Variants in PARP4 observed in about 807,000 individuals in gnomAD.
PARP4 encodes the protein poly(ADP-ribose) polymerase family member 4, also known as protein mono-ADP-ribosyltransferase PARP4.
In PARP4, 120 loss-of-function variants were observed where a neutral mutation model predicts 187.7. The observed-to-expected ratio is 0.64, with a 90% CI of 0.55 to 0.74. PARP4 has a LOEUF of 0.74. Among genes scored for constraint, PARP4 ranks in the 30% least tolerant of loss-of-function variants. The pLI, the probability that PARP4 is intolerant of heterozygous loss-of-function variation, is 0.00. For missense variants in PARP4, 1,836 were observed against 2,070.5 expected, an observed-to-expected ratio of 0.89 and a Z score of 2.20; for synonymous variants, 654 against 740.9, an observed-to-expected ratio of 0.88 and a Z score of 1.90.
At chr13:24,471,995 AGCC>A (rs1872745531) in intron 15 of PARP4, among the ~76,000 whole-genome samples, 1 of 152,236 alleles carries the variant, frequency 6.6e-6, no homozygotes, top group East Asian at 1.9e-4. Context: ...TTCAAAGCTA[AGCC>A]TTACAAACTC....
At position 24,456,494 on chromosome 13, in the gene PARP4, C is replaced by A; in HGVS notation, c.2425-16G>T. 6.3e-7 allele frequency: 1 copy of A among 1,579,320 alleles called. No homozygotes were observed. Among genetic ancestry groups the A allele is most frequent in the Non-Finnish European group, 8.7e-7 (1 of 1,154,246 alleles). ...AGTCTGTGCGCTGCAAAACAAACAC[C>A]GCGACAACAAGGTGAGTAATGGAGT... is the stretch of plus-strand genomic sequence containing the variant. On this transcript the variant is annotated splice_polypyrimidine_tract_variant and intron_variant, in intron 20 of 33. Transcript: ENST00000381989.
rs7338591 is a variant in PARP4, at chr13:24,455,081, G to A, written c.2694C>T (p.Ile898=). The change falls in exon 22 of 34, where the codon ATC becomes ATT. Residue 898 remains isoleucine, a synonymous_variant. Coordinates refer to ENST00000381989, the MANE Select transcript of PARP4 (RefSeq NM_006437.4). ...EGVTFLQAKQ[I]ALHALSLVGE... ...CCACCAAGGACAGCGCATGCAAGGC[G>A]ATTTGCTTGGCTTGCAAGAATGTCA... 7.8e-5 allele frequency: 126 copies of A among 1,613,164 alleles called. 1 individual carries two copies. The African/African-American group carries it at 1.2e-3, about 15-fold the overall frequency.
Position 24,452,568 on chromosome 13 carries a change from G to A in PARP4, c.2852C>T (p.Thr951Ile). Residue 951 changes from threonine (T) to isoleucine (I), a missense_variant, in exon 24 of 34, where the codon ACA (threonine) becomes ATA (isoleucine). Thr to Ile is a moderately conservative substitution (Grantham distance 89, BLOSUM62 -1). Transcript: ENST00000381989. ...IMSATPTMGN[T>I]DFWKTLRYLS... ...ATATCGGAGTGTTTTCCAGAAGTCTGTGTTCCCCATGGTAGGTGTGGCAGA... is the reference window on the plus strand; with the variant it reads ...ATATCGGAGTGTTTTCCAGAAGTCTATGTTCCCCATGGTAGGTGTGGCAGA... 1.9e-6 allele frequency: 3 copies of A among 1,613,718 alleles called. No individual in the cohort carries two copies. Among genetic ancestry groups the A allele is most frequent in the Non-Finnish European group, 2.5e-6 (3 of 1,179,826 alleles).
At chr13:24,454,051 C>G (rs1441359534) in intron 22 of PARP4, among the ~76,000 whole-genome samples, 3 of 150,610 alleles carry the variant, frequency 2.0e-5, no homozygotes, top group African/African-American at 7.4e-5. Flanking sequence ...GAGCTGAGAT[C>G]GCACCACCGC....
In PARP4 at chr13:24,451,236, C is replaced by T. The variant is rs548169502; in HGVS notation, c.3014+1170G>A. 1.6e-3 allele frequency among the ~76,000 whole-genome samples: 246 copies of T among 152,276 alleles called. 2 individuals carry two copies. The highest frequency in any genetic ancestry group is 5.3e-3 in the African/African-American group (221 of 41,574). On this transcript the variant is annotated intron_variant, in intron 24 of 33. Transcript: ENST00000381989. ...GGGAGGGGCTGCTGAGACCAGGAGA[C>T]GGTGCACAGGCTGCCCTGAGCGCAG...
intron 12 of PARP4, among the ~76,000 whole-genome samples, chr13:24,480,939 C>CTA (rs1453008802): frequency 1.3e-5 from 2 of 152,262 alleles, no homozygotes; most frequent in African/African-American, 4.8e-5. Context: ...AAACAGCCTT[C>CTA]TATTGGAAGA....
chr13:24,491,607 A>C (rs1232422230), intron 9 of PARP4, among the ~76,000 whole-genome samples: 1 of 152,202 alleles, frequency 6.6e-6, no homozygotes, highest in East Asian at 1.9e-4. Context: ...CTAGGACACA[A>C]ATCTCTGATC....
intron 32 of PARP4, among the ~76,000 whole-genome samples, chr13:24,429,237 G>A (rs1246936368): frequency 6.6e-6 from 1 of 152,002 alleles, no homozygotes; most frequent in Non-Finnish European, 1.5e-5. Flanking sequence ...TCCTTTTCTG[G>A]TAAGTCAATC....
chr13:24,488,056 A>G (rs1282207502), intron 10 of PARP4, among the ~76,000 whole-genome samples: 1 of 152,250 alleles, frequency 6.6e-6, no homozygotes, highest in Non-Finnish European at 1.5e-5. Context: ...TTTTCACAGC[A>G]GCAGGATCTT....
At position 24,475,466 on chromosome 13, in the gene PARP4, A is replaced by G; in HGVS notation, c.1914+6T>C. ...TTTAAGTGTCATAAAGCCACAGACA[A>G]CATACCTGGGCTACAGTGTCTATGA... On this transcript the variant is annotated splice_donor_region_variant and intron_variant, in intron 15 of 33. Coordinates refer to ENST00000381989, the MANE Select transcript of PARP4 (RefSeq NM_006437.4). 6.2e-7 allele frequency: 1 copy of G among 1,612,854 alleles called. No individual in the cohort carries two copies. The highest frequency in any genetic ancestry group is 8.5e-7 in the Non-Finnish European group (1 of 1,178,962).
Position 24,499,340 on chromosome 13 carries a change from A to T in PARP4, c.438T>A (p.Pro146=). The change falls in exon 5 of 34, where the codon CCT becomes CCA. Residue 146 remains proline (P), a synonymous_variant. Coordinates refer to ENST00000381989, the MANE Select transcript of PARP4 (RefSeq NM_006437.4). The part of the protein sequence containing the change: ...GMQNVEIPHL[P]QDFEVAKYNT... The stretch of plus-strand genomic sequence containing the variant: ...TATATTTTGCAACTTCAAAATCTTG[A>T]GGAAGATGAGGAATTTCAACATTCT... The T allele has an allele frequency of 1.3e-6, 2 of 1,577,142 alleles. No individual in the cohort carries two copies. The highest frequency in any genetic ancestry group is 2.7e-5 in the African/African-American group (2 of 72,754).
intron 31 of PARP4, among the ~76,000 whole-genome samples, chr13:24,433,721 G>A (rs1870461607): frequency 6.7e-6 from 1 of 149,176 alleles, no homozygotes; most frequent in African/African-American, 2.5e-5. Flanking sequence ...GGATGAGGAA[G>A]CTGAGGCTCA....
chr13:24,450,078 T>G (rs1217144600), intron 24 of PARP4, among the ~76,000 whole-genome samples: 4 of 150,910 alleles, frequency 2.7e-5, no homozygotes, highest in African/African-American at 9.8e-5. Flanking sequence ...TTTCAGTTCC[T>G]GAGGGAGGGA....
chr13:24,499,239 CAGA>C (rs1869133775), intron 5 of PARP4, 59 bp downstream of exon 5: 12 of 1,473,564 alleles, frequency 8.1e-6, no homozygotes, highest in Non-Finnish European at 1.1e-5. Flanking sequence ...GAAAAACACC[CAGA>C]AGACATTCAA....
At chr13:24,506,341 G>A (rs1179100563) in intron 1 of PARP4, among the ~76,000 whole-genome samples, 2 of 152,164 alleles carry the variant, frequency 1.3e-5, no homozygotes, top group Non-Finnish European at 2.9e-5. Context: ...CAAACAGTGA[G>A]CAGCAACAAA....
At chr13:24,441,755 G>T in intron 30 of PARP4, 91 bp downstream of exon 30, 2 of 1,174,172 alleles carry the variant, frequency 1.7e-6, no homozygotes, top group Non-Finnish European at 1.2e-6. Flanking sequence ...TCATGTACAG[G>T]TAAGAAGGGA....
In PARP4 at chr13:24,494,665, T is replaced by C. The variant is rs771064638; in HGVS notation, c.649A>G (p.Asn217Asp). 2.5e-6 allele frequency: 4 copies of C among 1,609,892 alleles called. No individual in the cohort carries two copies. Among genetic ancestry groups the C allele is most frequent in the Non-Finnish European group, 3.4e-6 (4 of 1,176,676 alleles). Residue 217 changes from asparagine (N) to aspartate (D), a missense_variant, in exon 7 of 34, where the codon AAT becomes GAT. By Grantham distance (23) the Asn-to-Asp change is conservative. This residue lies in a region of PARP4 where 1,147 missense variants were observed against 1,214.2 expected (regional missense o/e 0.94). Transcript: ENST00000381989. ...TSEDASEYFE[N>D]YIEELKKQGF... The stretch of plus-strand genomic sequence containing the variant: ...TGTTTCTTCAGTTCTTCAATGTAAT[T>C]TTCAAAGTATTCACTTGCATCTTCA...
chr13:24,462,766 T>C (rs1462643117), intron 17 of PARP4, among the ~76,000 whole-genome samples: 2 of 152,204 alleles, frequency 1.3e-5, no homozygotes, highest in Non-Finnish European at 2.9e-5. Flanking sequence ...TTGAAGAATT[T>C]GACAAGCCTA....
rs1415470363 is a variant in PARP4 at position 24,492,453 on chromosome 13, C to A, written c.1021G>T (p.Gly341Ter). Reference sequence around the variant, plus strand: ...AGGTCTGCTTTCTTAGCCAATAGTCCCAGGTTCACTTCTTTGGGCATTGTG... The same window carrying A: ...AGGTCTGCTTTCTTAGCCAATAGTCACAGGTTCACTTCTTTGGGCATTGTG... ...KGTMPKEVNL[G>*]LLAKKADLCQ... Residue 341 changes from glycine to a stop codon, truncating the protein, a stop_gained, in exon 9 of 34, where the codon GGA (glycine) becomes TGA (stop). Transcript: ENST00000381989. LOFTEE classifies it high-confidence loss of function. The A allele has an allele frequency of 6.2e-7, 1 of 1,613,842 alleles. No homozygotes were observed. The highest frequency in any genetic ancestry group is 2.2e-5 in the East Asian group (1 of 44,862).
Sources: allele counts gnomAD v4.1 joint callset (sites outside exome capture counted in the v4.1 genomes callset), GRCh38; gene constraint gnomAD v4.1.1; regional missense constraint gnomAD v4.1.1; transcripts MANE v1.5; gene names NCBI Gene and HGNC (gene_info 2026-07-23, HGNC 2026-07-21).